Variants in RBFOX1 observed in about 807,000 individuals in gnomAD.
The protein encoded by RBFOX1 is RNA binding fox-1 homolog 1, also known as RNA binding protein fox-1 homolog 1.
A neutral mutation model predicts 57.7 loss-of-function variants in RBFOX1; 8 were observed. That is an observed-to-expected ratio of 0.14 (90% CI 0.08 to 0.25). The LOEUF (loss-of-function observed/expected upper bound fraction) is 0.25, where lower values mean the gene tolerates loss of function less well. RBFOX1 is among the 10% of genes least tolerant of loss of function. The probability of loss-of-function intolerance (pLI) is 1.00; values close to 1 mark genes in which losing one functional copy is unlikely to be tolerated. For missense variants in RBFOX1, 611 were observed against 548.5 expected (o/e 1.11, Z -1.14); for synonymous variants, 326 against 222.4 (o/e 1.47, Z -4.15).
At chr16:7,063,155 C>A (rs117462539) in intron 4 of RBFOX1, among the ~76,000 whole-genome samples, 1 of 151,968 alleles carries the variant, frequency 6.6e-6, no homozygotes, top group Non-Finnish European at 1.5e-5. Flanking sequence ...GTTTAGGGCA[C>A]ACGCAGGGCT....
At chr16:7,103,152 A>T (rs924843252) in intron 4 of RBFOX1, among the ~76,000 whole-genome samples, 2 of 152,056 alleles carry the variant, frequency 1.3e-5, no homozygotes, top group African/African-American at 4.8e-5. Flanking sequence ...ACTGAAAGTT[A>T]TTCCATTTGA....
intron 3 of RBFOX1, among the ~76,000 whole-genome samples, chr16:6,984,207 A>G (rs938812601): frequency 6.6e-6 from 1 of 152,166 alleles, no homozygotes; most frequent in Non-Finnish European, 1.5e-5. Context: ...AGATAGTGCC[A>G]TTGCACTCCA....
chr16:6,774,615 C>G (rs903520600), intron 3 of RBFOX1, among the ~76,000 whole-genome samples: 4 of 151,988 alleles, frequency 2.6e-5, no homozygotes, highest in African/African-American at 4.8e-5. Context: ...ATAGAGTCAT[C>G]TATAGGAATT....
intron 4 of RBFOX1, among the ~76,000 whole-genome samples, chr16:7,504,908 G>A (rs528335950): frequency 1.4e-5 from 2 of 146,890 alleles, no homozygotes; most frequent in African/African-American, 2.6e-5. Context: ...GCAATAATAC[G>A]GCATTTGAAG....
intron 1 of RBFOX1, among the ~76,000 whole-genome samples, chr16:6,133,207 A>C (rs1030617929): frequency 3.2e-4 from 48 of 152,244 alleles, no homozygotes; most frequent in African/African-American, 1.1e-3. Context: ...ATCAATTGCT[A>C]CATCTAGCAT....
At chr16:5,274,560 G>A (rs185271897) in intron 1 of RBFOX1, among the ~76,000 whole-genome samples, 2 of 152,228 alleles carry the variant, frequency 1.3e-5, no homozygotes, top group Admixed American at 1.3e-4. Flanking sequence ...AAAGAAGAGT[G>A]AGTTAGGATG....
intron 2 of RBFOX1, among the ~76,000 whole-genome samples, chr16:5,509,388 C>G (rs2043498870): frequency 6.6e-6 from 1 of 152,212 alleles, no homozygotes; most frequent in African/African-American, 2.4e-5. Context: ...CCACCGACAT[C>G]TCTTTCACCC....
intron 2 of RBFOX1, among the ~76,000 whole-genome samples, chr16:6,509,866 C>G (rs777360379): frequency 7.9e-5 from 12 of 152,112 alleles, no homozygotes; most frequent in Admixed American, 2.6e-4. Flanking sequence ...ATAGAAAAAA[C>G]TGTAGGAGAA....
chr16:7,704,274 T>C lies in RBFOX1; in HGVS notation c.996-4782T>C, dbSNP rs527974390. Among the ~76,000 whole-genome samples the C allele has an allele frequency of 2.6e-5, 4 of 152,350 alleles. No individual in the cohort carries two copies. In the East Asian group the frequency reaches 5.8e-4, roughly 22 times the overall value. ...CATGATGGTTGCAAGCCATGGTGAATTAGCCAGGAAAGCAGTCCTCTTTTA... is the reference window on the plus strand; with the variant it reads ...CATGATGGTTGCAAGCCATGGTGAACTAGCCAGGAAAGCAGTCCTCTTTTA... On this transcript the variant is annotated intron_variant, in intron 14 of 15. Coordinates refer to ENST00000550418, the MANE Select transcript of RBFOX1 (RefSeq NM_018723.4).
rs4786861 is a variant in RBFOX1 at position 6,332,168 on chromosome 16, A to T, written c.-64+15111A>T. On this transcript the variant is annotated intron_variant, in intron 2 of 15. Coordinates refer to ENST00000550418, the MANE Select transcript of RBFOX1 (RefSeq NM_018723.4). Reference sequence around the variant, plus strand: ...GGAGAAGGGGTGGCCTGCCTCATTTAAGGTTTGAGGAAGAATAATTGAATG... The same window carrying T: ...GGAGAAGGGGTGGCCTGCCTCATTTTAGGTTTGAGGAAGAATAATTGAATG... 5.3e-3 allele frequency among the ~76,000 whole-genome samples: 808 copies of T among 152,312 alleles called. 30 individuals are homozygous for T. Among genetic ancestry groups the T allele is most frequent in the Admixed American group, 0.043 (655 of 15,294 alleles).
At chr16:6,722,760 T>A (rs547112407) in intron 3 of RBFOX1, among the ~76,000 whole-genome samples, 5 of 152,344 alleles carry the variant, frequency 3.3e-5, no homozygotes, top group African/African-American at 1.2e-4. Context: ...CAATACTACA[T>A]GAATTATGTA....
At chr16:7,054,913 T>A (rs2051589798) in intron 4 of RBFOX1, among the ~76,000 whole-genome samples, 1 of 152,158 alleles carries the variant, frequency 6.6e-6, no homozygotes, top group South Asian at 2.1e-4. Flanking sequence ...TAGCAGATGA[T>A]TTAGAAAGAT....
At chr16:6,637,018 T>C (rs2098442421) in intron 2 of RBFOX1, among the ~76,000 whole-genome samples, 1 of 114,214 alleles carries the variant, frequency 8.8e-6, no homozygotes, top group Non-Finnish European at 1.6e-5. Context: ...TAAATATGTG[T>C]ATAAACATTT....
intron 1 of RBFOX1, among the ~76,000 whole-genome samples, chr16:6,155,290 CAA>C (rs1000372331): frequency 7.2e-5 from 11 of 152,154 alleles, no homozygotes; most frequent in African/African-American, 2.7e-4. Flanking sequence ...CATAATAAAA[CAA>C]GAGACAACAG....
chr16:7,434,735 CA>C (rs1340849717), intron 4 of RBFOX1, among the ~76,000 whole-genome samples: 7 of 94,714 alleles, frequency 7.4e-5, no homozygotes, highest in Admixed American at 4.8e-4. Context: ...CTCTTGTTAA[CA>C]TTTTTTTTTT....
chr16:5,374,876 G>A (rs1596723671), intron 1 of RBFOX1, among the ~76,000 whole-genome samples: 2 of 152,034 alleles, frequency 1.3e-5, no homozygotes, highest in East Asian at 3.9e-4. Context: ...TATCATGTAA[G>A]TACCTGTATA....
In RBFOX1 at chr16:7,579,800, G is replaced by C. The variant is rs372977736; in HGVS notation, c.294G>C (p.Thr98=). The part of the protein sequence containing the change: ...TATQTDDAAP[T]DGQPQTQPSE... Reference sequence around the variant, plus strand: ...AGCAGACAGATGACGCAGCACCGACGGATGGCCAGCCCCAGACACAACCTT... The same window carrying C: ...AGCAGACAGATGACGCAGCACCGACCGATGGCCAGCCCCAGACACAACCTT... Residue 98 remains threonine, a synonymous_variant, in exon 6 of 16, where the codon ACG becomes ACC. Coordinates refer to ENST00000550418, the MANE Select transcript of RBFOX1 (RefSeq NM_018723.4). 6.2e-7 allele frequency: 1 copy of C among 1,613,944 alleles called. No homozygotes were observed. The highest frequency in any genetic ancestry group is 1.3e-5 in the African/African-American group (1 of 74,900).
chr16:6,203,110 GA>G lies in RBFOX1; in HGVS notation c.-126-113875del, dbSNP rs943830641. 2.7e-5 allele frequency among the ~76,000 whole-genome samples: 4 copies of G among 148,894 alleles called. No homozygotes were observed. The South Asian group carries it at 6.4e-4, about 24-fold the overall frequency. ...TTTTCCTTTTGTGGTAAGAGCACTT[GA>G]AAAAAAAAATCCAGCCTCATAGCAA... On this transcript the variant is annotated intron_variant, in intron 1 of 15. Transcript: ENST00000550418.
chr16:7,431,981 C>T (rs1436440022), intron 4 of RBFOX1, among the ~76,000 whole-genome samples: 1 of 152,250 alleles, frequency 6.6e-6, no homozygotes, highest in Non-Finnish European at 1.5e-5. Flanking sequence ...AGCATTCCCA[C>T]CAGTGGGCAG....
Sources: allele counts gnomAD v4.1 joint callset (sites outside exome capture counted in the v4.1 genomes callset), GRCh38; gene constraint gnomAD v4.1.1; transcripts MANE v1.5; gene names NCBI Gene and HGNC (gene_info 2026-07-23, HGNC 2026-07-21).